Variants in LMF1 observed in about 807,000 individuals in gnomAD.
LMF1 encodes the protein lipase maturation factor 1.
A neutral mutation model predicts 60.6 loss-of-function variants in LMF1; 68 were observed. The ratio of observed to expected loss-of-function variants is 1.12; its 90% CI spans 0.92 to 1.37. The LOEUF is 1.37. Ranked by LOEUF, LMF1 falls within the 40% of genes most tolerant of loss-of-function variation. LMF1 has a pLI of 0.00. For missense variants in LMF1, 948 were observed against 767.2 expected (o/e 1.24, Z -2.78); for synonymous variants, 418 against 324.7 (o/e 1.29, Z -3.09).
rs1436445863 is a variant in LMF1, at chr16:853,910, G to A, written c.*622C>T. The stretch of plus-strand genomic sequence containing the variant: ...ATGAAACCGGGCCAAGAACACATGT[G>A]TGCACAGGCTGTGTGTGCCTGCATG... On this transcript the variant is annotated 3_prime_UTR_variant, in exon 11 of 11. Transcript: ENST00000262301. 1 of 454,110 alleles carries A rather than the reference G, an allele frequency of 2.2e-6. No homozygotes were observed. 28.1% of individuals were successfully genotyped at this position (454,110 alleles called of 1,614,324 possible).
chr16:889,084 T>C (rs561118344), intron 5 of LMF1, among the ~76,000 whole-genome samples: 1 of 152,182 alleles, frequency 6.6e-6, no homozygotes, highest in Non-Finnish European at 1.5e-5. Context: ...GCACTCACCC[T>C]GGGTAGAGGT....
chr16:953,476 CCCACCCCAAACCA>C (rs1332066079), intron 2 of LMF1, among the ~76,000 whole-genome samples: 3 of 40,926 alleles, frequency 7.3e-5, no homozygotes, highest in African/African-American at 1.5e-4. Context: ...CACACAGACA[CCCACCCCAAACCA>C]GCCTCCTGCA....
At chr16:898,638 G>A (rs1230281307) in intron 4 of LMF1, among the ~76,000 whole-genome samples, 1 of 152,230 alleles carries the variant, frequency 6.6e-6, no homozygotes, top group Non-Finnish European at 1.5e-5. Flanking sequence ...AGAATCACCA[G>A]GCCTTGGCAG....
Position 878,986 on chromosome 16 carries a change from T to C in LMF1, c.897+584A>G, listed in dbSNP as rs1388860388. ...AGGCTCGGGACTGGCCCAGCCCCCC[T>C]GGAGGCAGCGTGGGGGTGCTCTGTC... On this transcript the variant is annotated intron_variant, in intron 6 of 10. Coordinates refer to ENST00000262301, the MANE Select transcript of LMF1 (RefSeq NM_022773.4). This position sits in a 1 kb window ranked among gnomAD's most constrained non-coding sequence, Gnocchi z 5.2. Among the ~76,000 whole-genome samples, 3 of 152,060 alleles carry C rather than the reference T, an allele frequency of 2.0e-5. No individual in the cohort carries two copies. Among genetic ancestry groups the C allele is most frequent in the Non-Finnish European group, 4.4e-5 (3 of 67,998 alleles).
At chr16:923,053 C>T (rs1318857247) in intron 3 of LMF1, among the ~76,000 whole-genome samples, 3 of 128,308 alleles carry the variant, frequency 2.3e-5, no homozygotes, top group South Asian at 2.7e-4. Context: ...CCTGGGTTTT[C>T]GGGTGTGATG....
intron 2 of LMF1, among the ~76,000 whole-genome samples, chr16:945,352 T>A (rs941892405): frequency 6.6e-6 from 1 of 151,296 alleles, no homozygotes; most frequent in Non-Finnish European, 1.5e-5. Flanking sequence ...TAGTGAGACA[T>A]CCATCTCTAC....
At chr16:868,135 C>T (rs969997507) in intron 10 of LMF1, among the ~76,000 whole-genome samples, 7 of 152,106 alleles carry the variant, frequency 4.6e-5, no homozygotes, top group South Asian at 2.1e-4. Flanking sequence ...GGGATACAAA[C>T]GCTTGTCAGA....
chr16:973,322 G>C, upstream of LMF1, among the ~76,000 whole-genome samples: 1 of 152,148 alleles, frequency 6.6e-6, no homozygotes, highest in Non-Finnish European at 1.5e-5. Context: ...TCCAGCCTGG[G>C]CCACAGAGCG....
upstream of LMF1, among the ~76,000 whole-genome samples, chr16:975,473 A>G (rs2858992): frequency 0.081 from 12,386 of 152,262 alleles, 577 homozygotes; most frequent in African/African-American, 0.091. Context: ...CGGCCACATT[A>G]ATGCTGCGTA....
intron 3 of LMF1, among the ~76,000 whole-genome samples, chr16:915,241 G>C (rs1156866572): frequency 6.6e-6 from 1 of 152,206 alleles, no homozygotes; most frequent in African/African-American, 2.4e-5. Context: ...ATAGGTGTGA[G>C]GCATGGGTAT....
intron 1 of LMF1, among the ~76,000 whole-genome samples, chr16:964,948 C>T (rs1241771317): frequency 6.6e-6 from 1 of 152,240 alleles, no homozygotes; most frequent in Non-Finnish European, 1.5e-5. Context: ...ACAGAACAGA[C>T]GCCACAGTGC....
chr16:905,775 A>G (rs950725493), intron 4 of LMF1, among the ~76,000 whole-genome samples: 1 of 151,780 alleles, frequency 6.6e-6, no homozygotes, highest in Non-Finnish European at 1.5e-5. Flanking sequence ...AGTCCAATGT[A>G]TGTGTTTGTT....
chr16:935,423 G>A (rs1243213324), intron 2 of LMF1, among the ~76,000 whole-genome samples: 1 of 152,144 alleles, frequency 6.6e-6, no homozygotes, highest in Non-Finnish European at 1.5e-5. Context: ...GATGGCTTCA[G>A]AGTCCATGAA....
intron 1 of LMF1, among the ~76,000 whole-genome samples, chr16:965,109 C>T (rs2072898016): frequency 6.6e-6 from 1 of 152,364 alleles, no homozygotes; most frequent in South Asian, 2.1e-4. Flanking sequence ...TTCCCGCCAG[C>T]GTTGGGCATT....
At chr16:885,481 G>A (rs1223305812) in intron 5 of LMF1, among the ~76,000 whole-genome samples, 4 of 151,844 alleles carry the variant, frequency 2.6e-5, no homozygotes, top group Non-Finnish European at 4.4e-5. Context: ...CCAAGCATAC[G>A]CCAGCTCTAA....
chr16:958,183 G>C (rs2072747136), intron 1 of LMF1, among the ~76,000 whole-genome samples: 1 of 152,120 alleles, frequency 6.6e-6, no homozygotes, highest in African/African-American at 2.4e-5. Context: ...CTTGGGTTTG[G>C]CAACAAGTTT....
chr16:922,211 G>A (rs1023440641), intron 3 of LMF1, among the ~76,000 whole-genome samples: 26 of 152,200 alleles, frequency 1.7e-4, no homozygotes, highest in African/African-American at 6.0e-4. Context: ...ACCACCCAGG[G>A]GCTTTCTCAC....
chr16:914,604 A>C (rs372429634), intron 3 of LMF1, among the ~76,000 whole-genome samples: 222 of 1,610 alleles, frequency 0.14, no homozygotes, highest in Non-Finnish European at 0.17. Flanking sequence ...CTGGTGACAC[A>C]CTCCCTCCCT....
intron 10 of LMF1, among the ~76,000 whole-genome samples, chr16:866,373 G>C (rs1448156756): frequency 1.3e-5 from 2 of 152,182 alleles, no homozygotes; most frequent in Non-Finnish European, 2.9e-5. Flanking sequence ...CTCTGCACTA[G>C]GCCTCCATGA....
Sources: allele counts gnomAD v4.1 joint callset (sites outside exome capture counted in the v4.1 genomes callset), GRCh38; gene constraint gnomAD v4.1.1; non-coding constraint Gnocchi (gnomAD v3.1); transcripts MANE v1.5; gene names NCBI Gene and HGNC (gene_info 2026-07-23, HGNC 2026-07-21).